Variants in SAMD12 observed in about 807,000 individuals in gnomAD.
The protein encoded by SAMD12 is sterile alpha motif domain containing 12.
A neutral mutation model predicts 15.0 loss-of-function variants in SAMD12; 9 were observed. That is an observed-to-expected ratio of 0.60 (90% CI 0.36 to 1.05). The LOEUF (loss-of-function observed/expected upper bound fraction) is 1.05. Ranked by LOEUF, SAMD12 falls within the 50% of genes least tolerant of loss-of-function variation. The pLI, the probability that SAMD12 is intolerant of heterozygous loss-of-function variation, is 0.01. For missense variants in SAMD12, 230 were observed against 234.2 expected (o/e 0.98, Z 0.12); for synonymous variants, 86 against 90.1 (o/e 0.96, Z 0.25).
intron 1 of SAMD12, among the ~76,000 whole-genome samples, chr8:118,598,632 C>G (rs762337220): frequency 1.3e-5 from 2 of 152,170 alleles, no homozygotes; most frequent in Non-Finnish European, 2.9e-5. Context: ...TGGCTGTATA[C>G]CTTACATAAA....
chr8:118,151,920 TC>T, the SAMD12 span, among the ~76,000 whole-genome samples: 1 of 151,062 alleles, frequency 6.6e-6, no homozygotes, highest in Non-Finnish European at 1.5e-5. Flanking sequence ...TGCTGGGATA[TC>T]CAAGTGGAGT....
chr8:118,367,598 G>C lies in SAMD12; in HGVS notation c.433+11962C>G, dbSNP rs553140486. 5.3e-5 allele frequency among the ~76,000 whole-genome samples: 8 copies of C among 152,252 alleles called. No homozygotes were observed. In the South Asian group the frequency reaches 1.7e-3, roughly 32 times the overall value. On this transcript the variant is annotated intron_variant, in intron 4 of 4. Transcript: ENST00000409003. ...GATATCACATATATTGTTTCACCTAGTACATTTAAATGCAAAGTGGTCAAT... is the reference window on the plus strand; with the variant it reads ...GATATCACATATATTGTTTCACCTACTACATTTAAATGCAAAGTGGTCAAT...
intron 2 of SAMD12, among the ~76,000 whole-genome samples, chr8:118,464,083 T>C (rs766261373): frequency 2.0e-5 from 3 of 152,148 alleles, no homozygotes; most frequent in Non-Finnish European, 4.4e-5. Context: ...CTAAAAGGAT[T>C]AGGATTTCAG....
chr8:118,246,580 C>CAT (rs1435672710), intron 4 of SAMD12, among the ~76,000 whole-genome samples: 2 of 152,074 alleles, frequency 1.3e-5, no homozygotes, highest in African/African-American at 4.8e-5. Context: ...TATGTGTACT[C>CAT]ATATATTCCA....
intron 4 of SAMD12, among the ~76,000 whole-genome samples, chr8:118,198,874 T>C (rs1297086458): frequency 6.6e-6 from 1 of 151,700 alleles, no homozygotes; most frequent in Non-Finnish European, 1.5e-5. Flanking sequence ...TTCCTAGGAG[T>C]ATATCCTAAG....
intron 4 of SAMD12, among the ~76,000 whole-genome samples, chr8:118,239,123 G>A (rs1391455058): frequency 6.6e-6 from 1 of 152,058 alleles, no homozygotes; most frequent in Non-Finnish European, 1.5e-5. Context: ...TGATGGTAGT[G>A]GTGATGATGA....
chr8:118,210,108 GT>G (rs1173268488), intron 4 of SAMD12, among the ~76,000 whole-genome samples: 1 of 152,158 alleles, frequency 6.6e-6, no homozygotes, highest in African/African-American at 2.4e-5. Flanking sequence ...GGCTGGGATG[GT>G]ATTATCTCTA....
At chr8:118,365,560 C>T (rs1489390593) in intron 4 of SAMD12, among the ~76,000 whole-genome samples, 1 of 152,112 alleles carries the variant, frequency 6.6e-6, no homozygotes, top group Non-Finnish European at 1.5e-5. Flanking sequence ...CTGGGACTTA[C>T]ACCAGCAGCT....
intron 1 of SAMD12, among the ~76,000 whole-genome samples, chr8:118,594,425 T>C (rs559587909): frequency 4.1e-4 from 63 of 152,218 alleles, no homozygotes; most frequent in African/African-American, 1.2e-3. Flanking sequence ...AAAAAACCTA[T>C]AGAAACTCTG....
At chr8:118,418,345 T>C (rs1039235344) in intron 3 of SAMD12, among the ~76,000 whole-genome samples, 1 of 152,136 alleles carries the variant, frequency 6.6e-6, no homozygotes, top group African/African-American at 2.4e-5. Context: ...TTTTTAAATG[T>C]ACTAAAAACA....
rs532176149 is a variant in SAMD12 at position 118,370,386 on chromosome 8, A to G, written c.433+9174T>C. On this transcript the variant is annotated intron_variant, in intron 4 of 4. Transcript: ENST00000409003. The stretch of plus-strand genomic sequence containing the variant: ...TAGAAGACAATGTGGTGATTCCTCA[A>G]AGACCTGGAACTGGAAATATCCTTT... Among the ~76,000 whole-genome samples the G allele has an allele frequency of 6.6e-5, 10 of 152,280 alleles. No individual in the cohort carries two copies. In the South Asian group the frequency reaches 2.1e-3, roughly 32 times the overall value.
intron 1 of SAMD12, among the ~76,000 whole-genome samples, chr8:118,619,395 C>T (rs752159196): frequency 6.7e-6 from 1 of 148,346 alleles, no homozygotes; most frequent in African/African-American, 2.5e-5. Context: ...AGGAGAATGG[C>T]GTGAACCTGG....
At chr8:118,387,977 C>T (rs1820055339) in intron 3 of SAMD12, among the ~76,000 whole-genome samples, 1 of 152,172 alleles carries the variant, frequency 6.6e-6, no homozygotes, top group Non-Finnish European at 1.5e-5. Context: ...AGCTATACTA[C>T]TGGAAACTAG....
intron 4 of SAMD12, among the ~76,000 whole-genome samples, chr8:118,270,034 T>C (rs1813310424): frequency 6.6e-6 from 1 of 152,182 alleles, no homozygotes. Context: ...TGTGATTGCT[T>C]TTAACGATGG....
chr8:118,134,200 C>T, the SAMD12 span, among the ~76,000 whole-genome samples: 59 of 152,300 alleles, frequency 3.9e-4, no homozygotes, highest in African/African-American at 1.3e-3. Context: ...TTCCGGGTCT[C>T]ATCTGTATAA....
chr8:118,465,405 A>T (rs997086111), intron 2 of SAMD12, among the ~76,000 whole-genome samples: 1 of 152,202 alleles, frequency 6.6e-6, no homozygotes, highest in African/African-American at 2.4e-5. Context: ...AAAGAAGATG[A>T]TCAGCTAACC....
At chr8:118,489,501 C>A (rs570068096) in intron 2 of SAMD12, among the ~76,000 whole-genome samples, 8 of 152,204 alleles carry the variant, frequency 5.3e-5, no homozygotes, top group Admixed American at 3.3e-4. Context: ...AGCCTCTAGC[C>A]TCCTCCTAAG....
chr8:118,378,773 C>G lies in SAMD12; in HGVS notation c.*644G>C. On this transcript the variant is annotated 3_prime_UTR_variant, in exon 4 of 4. Transcript: ENST00000314727. ...CAATGAAGGTTGATAGCATCCAAAT[C>G]TCATGTAGACATATCAGTTACATAT... 1.6e-5 allele frequency: 16 copies of G among 984,510 alleles called. No homozygotes were observed. The highest frequency in any genetic ancestry group is 1.8e-5 in the Non-Finnish European group (15 of 829,122). 61.0% of individuals were successfully genotyped at this position (984,510 alleles called of 1,614,324 possible). A position where few individuals can be genotyped will look rare whatever the true frequency, so the allele number is the denominator to read the frequency against.
At chr8:118,276,065 C>G (rs1375853267) in intron 4 of SAMD12, among the ~76,000 whole-genome samples, 1 of 152,124 alleles carries the variant, frequency 6.6e-6, no homozygotes, top group East Asian at 1.9e-4. Context: ...TTTGTTGAAA[C>G]CTTATGCTCC....
Sources: gnomAD v4.1 joint callset for allele counts (sites outside exome capture counted in the v4.1 genomes callset) on GRCh38, gnomAD v4.1.1 for gene constraint, MANE v1.5 for transcripts, NCBI Gene and HGNC (gene_info 2026-07-23, HGNC 2026-07-21) for gene names.